The following NDST1 variants were observed in gnomAD, a reference collection of about 807,000 sequenced individuals.
NDST1 encodes N-deacetylase and N-sulfotransferase 1.
A neutral mutation model predicts 92.8 loss-of-function variants in NDST1; 35 were observed. The ratio of observed to expected loss-of-function variants is 0.38; its 90% CI spans 0.29 to 0.50. NDST1 has a LOEUF of 0.50. NDST1 is among the 20% of genes least tolerant of loss of function. NDST1 has a pLI of 0.94. For synonymous variants in NDST1, 493 were observed against 500.3 expected (o/e 0.99, Z 0.19); for missense variants, 822 against 1,182.7 (o/e 0.69, Z 4.47).
At chr5:150,547,055 C>T (rs1004519577) in intron 11 of NDST1, among the ~76,000 whole-genome samples, 4 of 152,228 alleles carry the variant, frequency 2.6e-5, no homozygotes, top group African/African-American at 9.6e-5. Context: ...TGTACATCTG[C>T]ACCTTACTGG....
At chr5:150,542,814 G>C in intron 9 of NDST1, 34 bp from the exon 10 acceptor site, 2 of 1,613,810 alleles carry the variant, frequency 1.2e-6, no homozygotes, top group Non-Finnish European at 1.7e-6. Context: ...CTGGGGGCTG[G>C]GCCCTGGGTC....
chr5:150,533,548 C>G (rs1049733316), intron 4 of NDST1, among the ~76,000 whole-genome samples: 1 of 152,144 alleles, frequency 6.6e-6, no homozygotes, highest in African/African-American at 2.4e-5. Context: ...CACTTGCTGT[C>G]CTCTCTTCAT....
chr5:150,511,229 G>A (rs534623583), intron 1 of NDST1, among the ~76,000 whole-genome samples: 15 of 152,330 alleles, frequency 9.8e-5, no homozygotes, highest in South Asian at 2.1e-4. Flanking sequence ...TGGAGATGCC[G>A]CGTAGCAGAT....
At chr5:150,516,932 C>T (rs1020551910) in intron 1 of NDST1, among the ~76,000 whole-genome samples, 3 of 151,312 alleles carry the variant, frequency 2.0e-5, no homozygotes, top group African/African-American at 4.9e-5. Context: ...TCCCAAAGTG[C>T]TGGGATGACA....
upstream of NDST1, among the ~76,000 whole-genome samples, chr5:150,506,798 A>G (rs570498143): frequency 6.6e-5 from 10 of 151,952 alleles, no homozygotes; most frequent in African/African-American, 2.4e-4. Context: ...GACAAGCCCC[A>G]GCAAGTCTAC....
At chr5:150,498,720 TC>T (rs1299152539) in intron 1 of NDST1, among the ~76,000 whole-genome samples, 6 of 152,210 alleles carry the variant, frequency 3.9e-5, no homozygotes, top group African/African-American at 1.4e-4. Flanking sequence ...GCTGACCTGT[TC>T]CTCAAGCTCC....
rs779747817 is a variant in NDST1 at position 150,545,505 on chromosome 5, G to A, written c.2145+19G>A. 1.2e-6 allele frequency: 2 copies of A among 1,614,024 alleles called. No homozygotes were observed. Among genetic ancestry groups the A allele is most frequent in the Non-Finnish European group, 1.7e-6 (2 of 1,179,878 alleles). On this transcript the variant is annotated intron_variant, in intron 11 of 14. Coordinates refer to ENST00000261797, the MANE Select transcript of NDST1 (RefSeq NM_001543.5). ...GTACCAGGTGAGTGGGGCTGGGGTGGAGTCCCTGTGTCGGGAACACAGGGC... is the reference window on the plus strand; with the variant it reads ...GTACCAGGTGAGTGGGGCTGGGGTGAAGTCCCTGTGTCGGGAACACAGGGC...
At chr5:150,503,889 G>A (rs528826839), upstream of NDST1, among the ~76,000 whole-genome samples, 1 of 152,274 alleles carries the variant, frequency 6.6e-6, no homozygotes, top group East Asian at 1.9e-4. Flanking sequence ...TGTGAGGGAA[G>A]GGCTTTGGGG....
Position 150,551,841 on chromosome 5 carries a change from G to A in NDST1, c.2515G>A (p.Glu839Lys), listed in dbSNP as rs150060318. The A allele has an allele frequency of 5.6e-5, 90 of 1,613,240 alleles. No homozygotes were observed. The highest frequency in any genetic ancestry group is 7.2e-5 in the Non-Finnish European group (85 of 1,179,390). The change falls in exon 14 of 15, where the codon GAG becomes AAG. Residue 839 changes from glutamate (E) to lysine (K), a missense_variant. Glu to Lys is a moderately conservative substitution (Grantham distance 56, BLOSUM62 1). Coordinates refer to ENST00000261797, the MANE Select transcript of NDST1 (RefSeq NM_001543.5). ...CAAAAGCAAGGGCCGGAAATATCCC[G>A]AGATGGACTTGGATGTAAGTGGTGG... Reference protein sequence around the residue: ...LGKSKGRKYPEMDLDSRAFLK... With the variant: ...LGKSKGRKYPKMDLDSRAFLK...
At chr5:150,530,557 A>ATTTTTTTTTTTTTTTTTTTTTTTTTT (rs71589713) in intron 3 of NDST1, among the ~76,000 whole-genome samples, 1 of 127,234 alleles carries the variant, frequency 7.9e-6, no homozygotes. Flanking sequence ...CGTATTTTAA[A>ATTTTTTTTTTTTTTTTTTTTTTTTTT]TTTTTTTTTT....
At chr5:150,536,360 G>C (rs931926756) in intron 6 of NDST1, among the ~76,000 whole-genome samples, 1 of 151,960 alleles carries the variant, frequency 6.6e-6, no homozygotes, top group East Asian at 1.9e-4. Context: ...CTGGTGATTA[G>C]CCAGGTGTGG....
chr5:150,510,382 C>T (rs1217098477), intron 1 of NDST1, among the ~76,000 whole-genome samples: 1 of 152,184 alleles, frequency 6.6e-6, no homozygotes, highest in Non-Finnish European at 1.5e-5. Flanking sequence ...CTGTCATAGG[C>T]AGATTTGGGG....
intron 6 of NDST1, among the ~76,000 whole-genome samples, chr5:150,536,519 A>AAAT (rs1554098347): frequency 1.4e-5 from 2 of 147,860 alleles, no homozygotes; most frequent in African/African-American, 5.2e-5. Context: ...AAAAAAAAAA[A>AAAT]TTTTTTTTTC....
At chr5:150,519,220 C>T (rs947991307) in intron 1 of NDST1, among the ~76,000 whole-genome samples, 3 of 152,302 alleles carry the variant, frequency 2.0e-5, no homozygotes, top group South Asian at 2.1e-4. Context: ...GTGCAGCTGT[C>T]GGGTCTGGAG....
At chr5:150,510,120 G>A (rs1317989070) in intron 1 of NDST1, among the ~76,000 whole-genome samples, 2 of 152,170 alleles carry the variant, frequency 1.3e-5, no homozygotes, top group African/African-American at 4.8e-5. Flanking sequence ...GACTTCGAGC[G>A]GTTGCTTACC....
intron 1 of NDST1, among the ~76,000 whole-genome samples, chr5:150,498,686 C>T (rs2151230935): frequency 2.0e-5 from 3 of 152,336 alleles, no homozygotes; most frequent in Admixed American, 2.0e-4. Context: ...CTTTCTCTCC[C>T]TTCCCCCCAC....
Position 150,527,979 on chromosome 5 carries a change from C to G in NDST1, c.689C>G (p.Ser230Ter). 1.9e-6 allele frequency: 3 copies of G among 1,613,948 alleles called. No homozygotes were observed. Among genetic ancestry groups the G allele is most frequent in the Non-Finnish European group, 2.5e-6 (3 of 1,179,934 alleles). ...LPGEDWTVFQ[S>*]NHSTYEPVLL... ...GGCGAGGACTGGACGGTTTTCCAGT[C>G]AAATCACTCCACCTATGAGCCAGTG... The change falls in exon 3 of 15, where the codon TCA (serine) becomes TGA (stop). Residue 230 changes from serine to a stop codon, truncating the protein, a stop_gained. Transcript: ENST00000261797. LOFTEE classifies it high-confidence loss of function.
At position 150,553,457 on chromosome 5, in the gene NDST1, G is replaced by A; in HGVS notation, c.*125G>A. The A allele has an allele frequency of 4.4e-6, 6 of 1,351,494 alleles. No individual in the cohort carries two copies. The highest frequency in any genetic ancestry group is 6.3e-6 in the Non-Finnish European group (6 of 958,700). 83.7% of individuals were successfully genotyped at this position (1,351,494 alleles called of 1,614,324 possible). On this transcript the variant is annotated 3_prime_UTR_variant, in exon 15 of 15. Coordinates refer to ENST00000261797, the MANE Select transcript of NDST1 (RefSeq NM_001543.5). This position sits in a 1 kb window ranked among gnomAD's most constrained non-coding sequence, Gnocchi z 4.2. The stretch of plus-strand genomic sequence containing the variant: ...GCGCACTTATGAGCAATACTCTGTG[G>A]AGGTCTGGTGGGGCTGGGGGAGCAC...
chr5:150,531,500 C>CTTTTTTTTTTTTTT (rs35747232), intron 3 of NDST1, among the ~76,000 whole-genome samples: 1 of 131,150 alleles, frequency 7.6e-6, no homozygotes, highest in East Asian at 2.2e-4. Flanking sequence ...CTTTTTCTCT[C>CTTTTTTTTTTTTTT]TTTTTTTTTT....
Sources: allele counts gnomAD v4.1 joint callset (sites outside exome capture counted in the v4.1 genomes callset), GRCh38; gene constraint gnomAD v4.1.1; non-coding constraint Gnocchi (gnomAD v3.1); transcripts MANE v1.5; gene names NCBI Gene and HGNC (gene_info 2026-07-23, HGNC 2026-07-21).